Variants in OSBPL9 observed in about 807,000 individuals in gnomAD.
OSBPL9 encodes oxysterol-binding protein-related protein 9.
In OSBPL9, 40 loss-of-function variants were observed where a neutral mutation model predicts 106.6. The ratio of observed to expected loss-of-function variants is 0.38; its 90% CI spans 0.29 to 0.49. The LOEUF is 0.49. Among genes scored for constraint, OSBPL9 ranks in the 20% least tolerant of loss-of-function variants. The pLI is 0.97. For synonymous variants in OSBPL9, 269 were observed against 295.4 expected (o/e 0.91, Z 0.92); for missense variants, 609 against 887.2 (o/e 0.69, Z 3.98).
rs562895711 is a variant in OSBPL9 at position 51,624,614 on chromosome 1, A to C, written c.111+7393A>C. Among the ~76,000 whole-genome samples, 98 of 152,194 alleles carry C rather than the reference A, an allele frequency of 6.4e-4. 1 individual carries two copies. The highest frequency in any genetic ancestry group is 2.3e-3 in the African/African-American group (97 of 41,552). On this transcript the variant is annotated intron_variant, in intron 1 of 23. Coordinates refer to ENST00000428468, the MANE Select transcript of OSBPL9 (RefSeq NM_024586.6). ...AATAAATAAATAAATAAATAAAAAT[A>C]AAAATAAATCCAAACACCCTGAAAA...
At chr1:51,557,096 T>C in the OSBPL9 span, among the ~76,000 whole-genome samples, 1 of 151,976 alleles carries the variant, frequency 6.6e-6, no homozygotes, top group Admixed American at 6.6e-5. Flanking sequence ...ATACCTACTG[T>C]GTACCCACAA....
chr1:51,691,512 G>A (rs1368533588), intron 3 of OSBPL9, among the ~76,000 whole-genome samples: 1 of 151,420 alleles, frequency 6.6e-6, no homozygotes, highest in Non-Finnish European at 1.5e-5. Context: ...GGTCTCGAAC[G>A]CCTGACCTTG....
chr1:51,769,929 T>C (rs1159802589), intron 12 of OSBPL9, among the ~76,000 whole-genome samples: 1 of 152,190 alleles, frequency 6.6e-6, no homozygotes, highest in Non-Finnish European at 1.5e-5. Context: ...TTGACTCTAT[T>C]TTGAGATACA....
At chr1:51,657,926 C>T (rs1466104731) in intron 2 of OSBPL9, among the ~76,000 whole-genome samples, 1 of 151,816 alleles carries the variant, frequency 6.6e-6, no homozygotes, top group Non-Finnish European at 1.5e-5. Context: ...AATGAGACCT[C>T]TTCTCTACAA....
intron 1 of OSBPL9, among the ~76,000 whole-genome samples, chr1:51,647,764 CT>C (rs987338972): frequency 1.3e-5 from 2 of 151,620 alleles, no homozygotes; most frequent in East Asian, 1.9e-4. Context: ...TTTGAATCCC[CT>C]TTTTTTTCCT....
At chr1:51,691,018 A>G (rs976331932) in intron 3 of OSBPL9, among the ~76,000 whole-genome samples, 4 of 152,234 alleles carry the variant, frequency 2.6e-5, no homozygotes, top group African/African-American at 9.6e-5. Flanking sequence ...ATTTAAACAT[A>G]GAAAAGATAC....
chr1:51,778,068 G>A (rs1675477512), intron 15 of OSBPL9, among the ~76,000 whole-genome samples: 1 of 152,090 alleles, frequency 6.6e-6, no homozygotes, highest in African/African-American at 2.4e-5. Context: ...TAAGGCAGGA[G>A]GGTCATGCAG....
At chr1:51,661,282 T>G (rs1246441921) in intron 2 of OSBPL9, among the ~76,000 whole-genome samples, 1 of 152,190 alleles carries the variant, frequency 6.6e-6, no homozygotes, top group Non-Finnish European at 1.5e-5. Context: ...CCAGCCTACT[T>G]TTCGCAAAGG....
chr1:51,638,437 TG>T (rs1371058242), intron 1 of OSBPL9, among the ~76,000 whole-genome samples: 1 of 152,116 alleles, frequency 6.6e-6, no homozygotes, highest in Non-Finnish European at 1.5e-5. Flanking sequence ...TAGGAGTCCG[TG>T]CTCTCTTAAA....
At chr1:51,698,985 A>C (rs1656674887) in intron 3 of OSBPL9, among the ~76,000 whole-genome samples, 1 of 152,210 alleles carries the variant, frequency 6.6e-6, no homozygotes, top group Non-Finnish European at 1.5e-5. Context: ...GTTTACTGAC[A>C]TGCTAGGAGA....
At chr1:51,636,277 C>T (rs1202651456) in intron 1 of OSBPL9, among the ~76,000 whole-genome samples, 1 of 149,916 alleles carries the variant, frequency 6.7e-6, no homozygotes, top group Non-Finnish European at 1.5e-5. Context: ...CCTTCCACCT[C>T]AGCCTCCCCA....
intron 3 of OSBPL9, among the ~76,000 whole-genome samples, chr1:51,675,128 G>C (rs1430430045): frequency 6.6e-6 from 1 of 152,074 alleles, no homozygotes; most frequent in East Asian, 1.9e-4. Flanking sequence ...TGATGAAATT[G>C]CCTAATGATG....
At chr1:51,748,756 C>G (rs1177555008) in intron 7 of OSBPL9, among the ~76,000 whole-genome samples, 2 of 152,134 alleles carry the variant, frequency 1.3e-5, no homozygotes, top group Non-Finnish European at 2.9e-5. Context: ...GTCTCAACTC[C>G]TGGGCTCAAG....
chr1:51,733,257 C>G (rs1251758405), intron 4 of OSBPL9, among the ~76,000 whole-genome samples: 1 of 152,192 alleles, frequency 6.6e-6, no homozygotes, highest in African/African-American at 2.4e-5. Context: ...TCCCCGGGGC[C>G]TTTGTCCCTA....
intron 1 of OSBPL9, among the ~76,000 whole-genome samples, chr1:51,649,717 C>A (rs1290626368): frequency 6.9e-6 from 1 of 144,536 alleles, no homozygotes. Flanking sequence ...TGCTCTATTA[C>A]GATTGTTTAC....
intron 3 of OSBPL9, among the ~76,000 whole-genome samples, chr1:51,689,718 C>A (rs1435777832): frequency 6.6e-6 from 1 of 152,156 alleles, no homozygotes; most frequent in East Asian, 1.9e-4. Context: ...ATTTTGGTAA[C>A]CTACCACCTC....
chr1:51,714,146 G>GTTTT, intron 4 of OSBPL9, 67 bp downstream of exon 4: 5 of 944,900 alleles, frequency 5.3e-6, no homozygotes, highest in South Asian at 2.0e-5. Flanking sequence ...TCTGTTTTCT[G>GTTTT]TTTTTTTTTT....
intron 2 of OSBPL9, among the ~76,000 whole-genome samples, chr1:51,652,492 A>C (rs1353303268): frequency 2.0e-5 from 3 of 152,238 alleles, no homozygotes; most frequent in African/African-American, 7.2e-5. Context: ...TCTATAATTT[A>C]AGATTTTCTA....
intron 4 of OSBPL9, among the ~76,000 whole-genome samples, chr1:51,728,514 G>A (rs1000965832): frequency 6.6e-6 from 1 of 152,148 alleles, no homozygotes; most frequent in Non-Finnish European, 1.5e-5. Flanking sequence ...GCGTATTAGG[G>A]TGGATGATAG....
Sources: gnomAD v4.1 joint callset for allele counts (sites outside exome capture counted in the v4.1 genomes callset) on GRCh38, gnomAD v4.1.1 for gene constraint, MANE v1.5 for transcripts, NCBI Gene and HGNC (gene_info 2026-07-23, HGNC 2026-07-21) for gene names.